Variants in OPCML observed in about 807,000 individuals in gnomAD.
OPCML encodes opioid-binding protein/cell adhesion molecule.
In OPCML, 13 loss-of-function variants were observed where a neutral mutation model predicts 37.8. That is an observed-to-expected ratio of 0.34 (90% CI 0.22 to 0.55). The LOEUF is 0.55. OPCML is among the 20% of genes least tolerant of loss of function. OPCML has a pLI of 0.91. For missense variants in OPCML, 341 were observed against 435.6 expected (o/e 0.78, Z 1.93); for synonymous variants, 176 against 168.8 (o/e 1.04, Z -0.33).
At chr11:133,243,407 C>T (rs1940803175) in intron 1 of OPCML, among the ~76,000 whole-genome samples, 1 of 152,154 alleles carries the variant, frequency 6.6e-6, no homozygotes, top group African/African-American at 2.4e-5. Context: ...AATAACCAGC[C>T]ACCAAATAAC....
chr11:133,348,691 G>A (rs997031056), intron 1 of OPCML, among the ~76,000 whole-genome samples: 3 of 152,132 alleles, frequency 2.0e-5, no homozygotes, highest in African/African-American at 4.8e-5. Context: ...GGTGATCTAC[G>A]TGTACATCCA....
At chr11:132,694,570 T>C (rs967940490) in intron 2 of OPCML, among the ~76,000 whole-genome samples, 13 of 152,198 alleles carry the variant, frequency 8.5e-5, no homozygotes, top group Admixed American at 7.9e-4. Context: ...GTAAAGAAGA[T>C]ATAAAAAATG....
At chr11:132,585,150 C>T (rs553026935) in intron 3 of OPCML, among the ~76,000 whole-genome samples, 3 of 152,112 alleles carry the variant, frequency 2.0e-5, no homozygotes, top group South Asian at 2.1e-4. Context: ...TTTGGTCAAC[C>T]TCTCAATTTT....
At chr11:132,782,954 T>C (rs1379517595) in intron 2 of OPCML, among the ~76,000 whole-genome samples, 1 of 147,770 alleles carries the variant, frequency 6.8e-6, no homozygotes, top group African/African-American at 2.5e-5. Context: ...TATGTATGTA[T>C]GTATAATCCA....
chr11:133,279,395 A>G (rs947464800), intron 1 of OPCML, among the ~76,000 whole-genome samples: 1 of 152,200 alleles, frequency 6.6e-6, no homozygotes, highest in African/African-American at 2.4e-5. Context: ...CCTCCCAAGC[A>G]ACCATGGGCA....
At chr11:133,184,340 T>A (rs1937975103) in intron 1 of OPCML, among the ~76,000 whole-genome samples, 1 of 152,122 alleles carries the variant, frequency 6.6e-6, no homozygotes, top group African/African-American at 2.4e-5. Context: ...GAGTTTACTT[T>A]TTATGGAGGT....
At chr11:132,547,127 C>T (rs2096370490) in intron 3 of OPCML, among the ~76,000 whole-genome samples, 1 of 152,128 alleles carries the variant, frequency 6.6e-6, no homozygotes, top group Non-Finnish European at 1.5e-5. Flanking sequence ...GGGCAAAAAC[C>T]ATGCTTGGCA....
In OPCML at chr11:133,319,276, G is replaced by A. The variant is rs538498083; in HGVS notation, c.61+212988C>T. The stretch of plus-strand genomic sequence containing the variant: ...CAGCCCAGTCAAGTTGTGCACCCAG[G>A]TGAGATGGAAAATGTGAATGAAAAA... On this transcript the variant is annotated intron_variant, in intron 1 of 7. Transcript: ENST00000524381. Among the ~76,000 whole-genome samples, 8 of 152,238 alleles carry A rather than the reference G, an allele frequency of 5.3e-5. No homozygotes were observed. In the South Asian group the frequency reaches 1.2e-3, roughly 24 times the overall value.
intron 3 of OPCML, among the ~76,000 whole-genome samples, chr11:132,652,707 C>A (rs1246216829): frequency 6.6e-6 from 1 of 152,180 alleles, no homozygotes; most frequent in African/African-American, 2.4e-5. Flanking sequence ...TTTGTGTTAT[C>A]CTTTTAGAAC....
chr11:133,140,823 A>AGACGACGAAGAAGAAGACGAC (rs1949778972), intron 1 of OPCML, among the ~76,000 whole-genome samples: 1 of 31,698 alleles, frequency 3.2e-5, no homozygotes, highest in African/African-American at 6.8e-5. Flanking sequence ...ACGAAGAAGA[A>AGACGACGAAGAAGAAGACGAC]GACGACGACG....
At chr11:132,834,783 C>G (rs1205860935) in intron 2 of OPCML, among the ~76,000 whole-genome samples, 2 of 152,138 alleles carry the variant, frequency 1.3e-5, no homozygotes, top group East Asian at 1.9e-4. Context: ...CATTCACAGG[C>G]AAGAGAGCGT....
At chr11:132,925,715 G>GTC (rs1944966431) in intron 2 of OPCML, among the ~76,000 whole-genome samples, 2 of 152,160 alleles carry the variant, frequency 1.3e-5, no homozygotes, top group South Asian at 2.1e-4. Context: ...GTATCTACCT[G>GTC]TCTCTAGTTT....
chr11:133,498,495 G>A (rs1295396623), intron 1 of OPCML, among the ~76,000 whole-genome samples: 1 of 152,182 alleles, frequency 6.6e-6, no homozygotes, highest in African/African-American at 2.4e-5. Flanking sequence ...ATCGCGCAGG[G>A]CCCCTTCTCT....
chr11:133,282,863 G>A (rs1462502939), intron 1 of OPCML, among the ~76,000 whole-genome samples: 6 of 152,212 alleles, frequency 3.9e-5, no homozygotes, highest in Non-Finnish European at 8.8e-5. Flanking sequence ...TCTTTAAGGT[G>A]TAATGGCTGC....
chr11:133,434,493 T>A (rs995041485), intron 1 of OPCML, among the ~76,000 whole-genome samples: 1 of 152,194 alleles, frequency 6.6e-6, no homozygotes, highest in Non-Finnish European at 1.5e-5. Flanking sequence ...AATTTCATCA[T>A]GGATATTATA....
chr11:132,671,001 G>A (rs904644997), intron 2 of OPCML, among the ~76,000 whole-genome samples: 1 of 152,204 alleles, frequency 6.6e-6, no homozygotes, highest in Non-Finnish European at 1.5e-5. Flanking sequence ...GTGTGTTCAG[G>A]TGACTGTGGC....
intron 4 of OPCML, among the ~76,000 whole-genome samples, chr11:132,518,241 G>A (rs1036217031): frequency 1.3e-4 from 19 of 151,920 alleles, no homozygotes; most frequent in African/African-American, 2.9e-4. Flanking sequence ...CCCCACCCCC[G>A]ACAGGCCCCA....
chr11:133,388,392 G>T (rs1021155707), intron 1 of OPCML, among the ~76,000 whole-genome samples: 1 of 152,116 alleles, frequency 6.6e-6, no homozygotes, highest in African/African-American at 2.4e-5. Context: ...CTCTACTCTT[G>T]TTTCTAACCT....
chr11:133,394,009 T>G (rs1592261345), intron 1 of OPCML, among the ~76,000 whole-genome samples: 1 of 152,204 alleles, frequency 6.6e-6, no homozygotes, highest in African/African-American at 2.4e-5. Flanking sequence ...TACACTTTAG[T>G]GTGCCCTCCA....
Sources: gnomAD v4.1 joint callset for allele counts (sites outside exome capture counted in the v4.1 genomes callset) on GRCh38, gnomAD v4.1.1 for gene constraint, MANE v1.5 for transcripts, NCBI Gene and HGNC (gene_info 2026-07-23, HGNC 2026-07-21) for gene names.